XDH: variants seen among roughly 807,000 people sequenced by gnomAD.
XDH encodes xanthine dehydrogenase/oxidase.
Under a neutral mutation model 156.1 loss-of-function variants are expected in XDH, and 138 were observed. That is an observed-to-expected ratio of 0.88 (90% CI 0.77 to 1.02). The LOEUF (loss-of-function observed/expected upper bound fraction) is 1.02, where lower values mean the gene tolerates loss of function less well. Ranked by LOEUF, XDH falls within the 50% of genes least tolerant of loss-of-function variation. The pLI is 0.00. For synonymous variants in XDH, 669 were observed against 625.7 expected, an observed-to-expected ratio of 1.07 and a Z score of -1.03; for missense variants, 1,849 against 1,684.9, an observed-to-expected ratio of 1.10 and a Z score of -1.71.
intron 30 of XDH, among the ~76,000 whole-genome samples, chr2:31,344,950 T>C (rs1685241366): frequency 6.6e-6 from 1 of 152,214 alleles, no homozygotes; most frequent in Non-Finnish European, 1.5e-5. Context: ...ACCTCTTAAC[T>C]GGTCTTCCTC....
At position 31,397,646 on chromosome 2, in the gene XDH, ATGTTCTGGGG is replaced by A. The variant is rs1686946187; in HGVS notation, c.495+12_495+21del. On this transcript the variant is annotated intron_variant, in intron 6 of 35. Coordinates refer to ENST00000379416, the MANE Select transcript of XDH (RefSeq NM_000379.4). ...TGCCATTTTAGAAGCAGAGACACTG[ATGTTCTGGGG>A]TCCCCACTTACCCTGGCAAAGGTCC... 7.4e-6 allele frequency: 12 copies of A among 1,613,936 alleles called. No homozygotes were observed. The South Asian group carries it at 1.3e-4, about 18-fold the overall frequency.
intron 31 of XDH, among the ~76,000 whole-genome samples, chr2:31,343,285 CATATAT>C (rs60481824): frequency 0.017 from 1,194 of 68,242 alleles, 14 homozygotes; most frequent in East Asian, 0.041. Context: ...ATTTCTTCAC[CATATAT>C]ATATATATAT....
At chr2:31,403,203 G>T (rs779757205) in intron 2 of XDH, 59 bp from the exon 3 acceptor site, 332 of 1,574,790 alleles carry the variant, frequency 2.1e-4, no homozygotes, top group Admixed American at 4.4e-4. Context: ...TGGGTTGCTA[G>T]GAAATGCCTG....
chr2:31,343,733 T>C (rs755180486), intron 31 of XDH, among the ~76,000 whole-genome samples: 3 of 149,224 alleles, frequency 2.0e-5, no homozygotes, highest in Non-Finnish European at 4.5e-5. Context: ...ATATTAGCCA[T>C]ATATATGTTC....
At chr2:31,348,849 A>C in intron 27 of XDH, 50 bp downstream of exon 27, 1 of 1,532,540 alleles carries the variant, frequency 6.5e-7, no homozygotes. Flanking sequence ...ACAACAGGGA[A>C]ATGGGGTCCC....
At chr2:31,386,359 C>T (rs1002984445) in intron 9 of XDH, 55 bp downstream of exon 9, 2 of 1,603,002 alleles carry the variant, frequency 1.2e-6, no homozygotes, top group East Asian at 2.2e-5. Flanking sequence ...GCAAGAGGAC[C>T]TAGAAACACC....
At chr2:31,391,531 C>A (rs943687251) in intron 6 of XDH, among the ~76,000 whole-genome samples, 1 of 152,108 alleles carries the variant, frequency 6.6e-6, no homozygotes, top group Admixed American at 6.5e-5. Context: ...TTGTTGATAG[C>A]CACAAAATAA....
At chr2:31,378,128 A>AAAGAAAG (rs1364813224) in intron 13 of XDH, among the ~76,000 whole-genome samples, 3 of 63,840 alleles carry the variant, frequency 4.7e-5, no homozygotes, top group African/African-American at 1.8e-4. Context: ...GGAAGGAAGG[A>AAAGAAAG]AGGAAGGAAG....
rs2148745581 is a variant in XDH, at chr2:31,335,391, A to G, written c.*567T>C. Reference sequence around the variant, plus strand: ...ATGCAGCTTCACAAAATCAGATCCAATTAACCTTGAATTTGTTTCATTCTT... The same window carrying G: ...ATGCAGCTTCACAAAATCAGATCCAGTTAACCTTGAATTTGTTTCATTCTT... On this transcript the variant is annotated 3_prime_UTR_variant, in exon 36 of 36. Transcript: ENST00000379416. The G allele has an allele frequency of 6.1e-6, 1 of 164,318 alleles. No homozygotes were observed. The highest frequency in any genetic ancestry group is 3.2e-3 in the Middle Eastern group (1 of 310). The allele number at this position is 164,318 out of a possible 1,614,324, so 10.2% of individuals were successfully genotyped here.
rs1884725 is a variant in XDH at position 31,348,920 on chromosome 2, A to G, written c.3030T>C (p.Phe1010=). ...CIIPTKFGIS[F]TVPFLNQAGA... ...TTACCTGATTCAGAAAAGGAACTGT[A>G]AAGCTTATTCCAAACTTGGTGGGAA... Residue 1010 remains phenylalanine, a synonymous_variant, in exon 27 of 36, where the codon TTT becomes TTC. Transcript: ENST00000379416. The G allele has an allele frequency of 0.77, 1,245,912 of 1,612,262 alleles. 482,176 individuals carry two copies. Among genetic ancestry groups the G allele is most frequent in the East Asian group, 0.86 (38,421 of 44,870 alleles).
chr2:31,348,098 G>A (rs1348599309), intron 28 of XDH, among the ~76,000 whole-genome samples, 170 bp downstream of exon 28: 2 of 152,184 alleles, frequency 1.3e-5, no homozygotes, highest in Non-Finnish European at 2.9e-5. Context: ...GCACAGATGA[G>A]GAAACTGAGT....
intron 6 of XDH, among the ~76,000 whole-genome samples, chr2:31,396,233 A>C (rs1284218596): frequency 6.6e-6 from 1 of 152,222 alleles, no homozygotes; most frequent in Non-Finnish European, 1.5e-5. Context: ...TAAGTTCTGC[A>C]TGGTGAAATC....
chr2:31,385,146 C>T (rs2148783641), intron 9 of XDH, among the ~76,000 whole-genome samples: 1 of 152,180 alleles, frequency 6.6e-6, no homozygotes, highest in Admixed American at 6.5e-5. Flanking sequence ...GCTATGGTGA[C>T]ATTGCACCAC....
chr2:31,343,285 C>CATATATATATAT (rs60481824), intron 31 of XDH, among the ~76,000 whole-genome samples: 1 of 68,378 alleles, frequency 1.5e-5, no homozygotes, highest in Non-Finnish European at 2.5e-5. Context: ...ATTTCTTCAC[C>CATATATATATAT]ATATATATAT....
At chr2:31,361,253 A>T (rs558868338) in intron 24 of XDH, among the ~76,000 whole-genome samples, 51 of 152,358 alleles carry the variant, frequency 3.3e-4, no homozygotes, top group Non-Finnish European at 6.3e-4. Flanking sequence ...ACCATGTCAG[A>T]TGTTGCCTTC....
intron 34 of XDH, among the ~76,000 whole-genome samples, chr2:31,338,714 C>CTTTTTTT (rs57389753): frequency 3.2e-5 from 2 of 62,148 alleles, no homozygotes; most frequent in Non-Finnish European, 5.3e-5. Context: ...CTGACCAAGT[C>CTTTTTTT]TTTTTTTTTT....
intron 30 of XDH, 88 bp from the exon 31 acceptor site, chr2:31,344,824 C>A: frequency 7.1e-7 from 1 of 1,407,400 alleles, no homozygotes; most frequent in Non-Finnish European, 1.0e-6. Context: ...CTCACCTCCT[C>A]TGGAAGCCAA....
intron 21 of XDH, among the ~76,000 whole-genome samples, chr2:31,366,489 G>A (rs1236491884): frequency 6.6e-6 from 1 of 152,176 alleles, no homozygotes; most frequent in South Asian, 2.1e-4. Flanking sequence ...GGTCCCTGTG[G>A]CTATGACTTA....
intron 1 of XDH, among the ~76,000 whole-genome samples, chr2:31,407,583 G>T (rs534946391): frequency 1.3e-5 from 2 of 152,222 alleles, no homozygotes; most frequent in South Asian, 4.2e-4. Context: ...GGCCCTTGAA[G>T]ATCCTTGAAA....
Sources: gnomAD v4.1 joint callset for allele counts (sites outside exome capture counted in the v4.1 genomes callset) on GRCh38, gnomAD v4.1.1 for gene constraint, MANE v1.5 for transcripts, NCBI Gene and HGNC (gene_info 2026-07-23, HGNC 2026-07-21) for gene names.